Variants in HERC6 observed in about 807,000 individuals in gnomAD.
HERC6 encodes probable E3 ubiquitin-protein ligase HERC6.
HERC6 carries 101 observed loss-of-function variants against 114.5 expected under a neutral mutation model. That is an observed-to-expected ratio of 0.88 (90% confidence interval 0.75 to 1.04). The LOEUF is 1.04. Among genes scored for constraint, HERC6 ranks in the 50% least tolerant of loss-of-function variants. The pLI, the probability that HERC6 is intolerant of heterozygous loss-of-function variation, is 0.00. For synonymous variants in HERC6, 408 were observed against 436.2 expected (o/e 0.94, Z 0.81); for missense variants, 1,133 against 1,230.9 (o/e 0.92, Z 1.19).
chr4:88,426,317 C>T (rs572720872), intron 15 of HERC6, among the ~76,000 whole-genome samples: 22 of 152,124 alleles, frequency 1.4e-4, no homozygotes, highest in South Asian at 1.2e-3. Context: ...TACAGGCATG[C>T]GCCACCATGC....
rs1210536531 is a variant in HERC6 at position 88,413,090 on chromosome 4, T to C, written c.1382T>C (p.Leu461Pro). Residue 461 changes from leucine (L) to proline (P), a missense_variant, in exon 12 of 23, where the codon CTC (leucine) becomes CCC (proline). Around this residue, in one of 3 missense-constraint regions of HERC6, gnomAD observed 735 missense variants for 754.0 expected, o/e 0.97. Transcript: ENST00000264346. Reference sequence around the variant, plus strand: ...TTTTTACCACAGATAACTACGTGTCTCGAGGATGATCTGCTCAGAGCTCTT... The same window carrying C: ...TTTTTACCACAGATAACTACGTGTCCCGAGGATGATCTGCTCAGAGCTCTT... ...EWISSMITTC[L>P]EDDLLRALPC... 1.3e-5 allele frequency: 21 copies of C among 1,608,206 alleles called. No homozygotes were observed. The highest frequency in any genetic ancestry group is 1.8e-5 in the Non-Finnish European group (21 of 1,177,920).
Position 88,429,334 on chromosome 4 carries a change from G to A in HERC6, c.2106+584G>A, listed in dbSNP as rs930446064. The stretch of plus-strand genomic sequence containing the variant: ...AATATACACAGCCTCTTCAGTGGGA[G>A]GAACTGCAAAGTCATATGCAAAAGA... On this transcript the variant is annotated intron_variant, in intron 16 of 22. Transcript: ENST00000264346. Among the ~76,000 whole-genome samples the A allele has an allele frequency of 3.9e-5, 6 of 152,198 alleles. No homozygotes were observed. In the South Asian group the frequency reaches 1.2e-3, roughly 31 times the overall value.
At chr4:88,404,140 T>C (rs1430476309) in intron 8 of HERC6, among the ~76,000 whole-genome samples, 1 of 152,196 alleles carries the variant, frequency 6.6e-6, no homozygotes, top group African/African-American at 2.4e-5. Context: ...GCTTATTTCA[T>C]TCGCTTGTCT....
intron 11 of HERC6, among the ~76,000 whole-genome samples, chr4:88,412,263 A>G (rs1053806923): frequency 2.6e-5 from 4 of 152,194 alleles, no homozygotes; most frequent in African/African-American, 9.6e-5. Flanking sequence ...AAAGAATACC[A>G]TACAAGTTTA....
chr4:88,437,626 A>T (rs952743818), intron 19 of HERC6, 85 bp from the exon 20 acceptor site: 30 of 829,446 alleles, frequency 3.6e-5, no homozygotes, highest in Non-Finnish European at 4.7e-5. Context: ...CATAGGGGAA[A>T]ATGTATTGGC....
rs754009434 is a variant in HERC6, at chr4:88,440,077, C to T, written c.2739+20C>T. The T allele has an allele frequency of 1.0e-5, 16 of 1,606,168 alleles. No homozygotes were observed. The highest frequency in any genetic ancestry group is 1.4e-5 in the Non-Finnish European group (16 of 1,176,582). On this transcript the variant is annotated intron_variant, in intron 21 of 22. Transcript: ENST00000264346. ...GAACAGGTAGGTGATACCTAAAGTG[C>T]CCCAATTTTTCCGAACAACTTCTAT...
chr4:88,394,909 T>C (rs1414417363), intron 5 of HERC6, among the ~76,000 whole-genome samples: 1 of 152,198 alleles, frequency 6.6e-6, no homozygotes, highest in Admixed American at 6.5e-5. Flanking sequence ...AGCAACAAAG[T>C]AATTTTTACA....
At position 88,402,599 on chromosome 4, in the gene HERC6, G is replaced by C. The variant is rs114825987; in HGVS notation, c.1093-2277G>C. Reference sequence around the variant, plus strand: ...GGTGGGAGATAGATCAGGTTCATCAGTTCTGAAGTAACCAAGAGTGAGGGC... The same window carrying C: ...GGTGGGAGATAGATCAGGTTCATCACTTCTGAAGTAACCAAGAGTGAGGGC... On this transcript the variant is annotated intron_variant, in intron 8 of 22. Transcript: ENST00000264346. 3.8e-3 allele frequency among the ~76,000 whole-genome samples: 583 copies of C among 152,296 alleles called. 3 individuals carry two copies. The highest frequency in any genetic ancestry group is 0.014 in the African/African-American group (564 of 41,570).
Position 88,423,982 on chromosome 4 carries a change from A to T in HERC6, c.1827+9A>T. 1 of 1,252,718 alleles carries T rather than the reference A, an allele frequency of 8.0e-7. No homozygotes were observed. The highest frequency in any genetic ancestry group is 1.1e-6 in the Non-Finnish European group (1 of 885,770). 77.6% of individuals were successfully genotyped at this position (1,252,718 alleles called of 1,614,324 possible). On this transcript the variant is annotated intron_variant, in intron 14 of 22. Coordinates refer to ENST00000264346, the MANE Select transcript of HERC6 (RefSeq NM_017912.4). ...TTCGGGATAACCACCTGGTAAGAAT[A>T]ACATTTTTACTTCTGAAAATGTTCA...
intron 3 of HERC6, among the ~76,000 whole-genome samples, chr4:88,387,208 C>T (rs1422756584): frequency 7.2e-5 from 11 of 152,028 alleles, no homozygotes; most frequent in Non-Finnish European, 1.5e-4. Context: ...ACCAGCCTGG[C>T]CAACATAGTG....
intron 11 of HERC6, among the ~76,000 whole-genome samples, chr4:88,410,233 A>C (rs1230302873): frequency 1.3e-5 from 2 of 152,206 alleles, no homozygotes; most frequent in Admixed American, 1.3e-4. Context: ...CACATATATA[A>C]GATGAACACT....
At chr4:88,432,647 T>A (rs1051874443) in intron 17 of HERC6, among the ~76,000 whole-genome samples, 2 of 151,642 alleles carry the variant, frequency 1.3e-5, no homozygotes. Context: ...GAGAATCACT[T>A]GAACCTAAGA....
At chr4:88,392,288 G>A (rs896775620) in intron 4 of HERC6, among the ~76,000 whole-genome samples, 3 of 150,328 alleles carry the variant, frequency 2.0e-5, no homozygotes, top group African/African-American at 7.4e-5. Flanking sequence ...TGGGCTCACA[G>A]GCACACACCA....
rs1327678872 is a variant in HERC6, at chr4:88,380,372, A to T, written c.199+1252A>T. On this transcript the variant is annotated intron_variant, in intron 1 of 22. Coordinates refer to ENST00000264346, the MANE Select transcript of HERC6 (RefSeq NM_017912.4). ...AATATAAATATATATATAATATATA[A>T]ATATATATATATAATATATAAATAT... 3.1e-4 allele frequency among the ~76,000 whole-genome samples: 5 copies of T among 16,354 alleles called. 1 individual carries two copies. Among genetic ancestry groups the T allele is most frequent in the African/African-American group, 2.4e-3 (4 of 1,654 alleles). The allele number at this position is 16,354 out of a possible 152,430, so 10.7% of individuals were successfully genotyped here.
intron 13 of HERC6, among the ~76,000 whole-genome samples, chr4:88,422,927 T>C (rs144020909): frequency 6.6e-6 from 1 of 152,264 alleles, no homozygotes; most frequent in East Asian, 1.9e-4. Flanking sequence ...TGAGATTTTC[T>C]ATTTTTTTCT....
Position 88,396,133 on chromosome 4 carries a change from A to T in HERC6, c.878A>T (p.Asp293Val), listed in dbSNP as rs1193302017. The change falls in exon 6 of 23, where the codon GAT (aspartate) becomes GTT (valine). Residue 293 changes from aspartate (D) to valine (V), a missense_variant. This residue lies in a region of HERC6 where 735 missense variants were observed against 754.0 expected (regional missense o/e 0.97). Coordinates refer to ENST00000264346, the MANE Select transcript of HERC6 (RefSeq NM_017912.4). ...ATTGATGGCCTAGTTTCGCAGATAG[A>T]TTGTGGAAGGTAATAGGCTTCTTCT... Reference protein sequence around the residue: ...ERIDGLVSQIDCGSYHTLAYV... With the variant: ...ERIDGLVSQIVCGSYHTLAYV... The T allele has an allele frequency of 6.3e-7, 1 of 1,597,596 alleles. No individual in the cohort carries two copies. The highest frequency in any genetic ancestry group is 1.8e-5 in the Admixed American group (1 of 57,140).
At chr4:88,411,175 A>G (rs528411298) in intron 11 of HERC6, among the ~76,000 whole-genome samples, 1 of 152,302 alleles carries the variant, frequency 6.6e-6, no homozygotes, top group East Asian at 1.9e-4. Context: ...ATTATGAAGT[A>G]TATTTCTTAA....
At chr4:88,402,782 ATT>A (rs1735611467) in intron 8 of HERC6, among the ~76,000 whole-genome samples, 1 of 152,180 alleles carries the variant, frequency 6.6e-6, no homozygotes, top group Non-Finnish European at 1.5e-5. Context: ...GGAGCTAGGG[ATT>A]TTGAAGCAGA....
At chr4:88,441,650 T>C (rs527462811) in intron 22 of HERC6, among the ~76,000 whole-genome samples, 5 of 152,324 alleles carry the variant, frequency 3.3e-5, no homozygotes, top group South Asian at 4.1e-4. Flanking sequence ...ATCTTTCTTC[T>C]TGATATTTTT....
Sources: gnomAD v4.1 joint callset for allele counts (sites outside exome capture counted in the v4.1 genomes callset) on GRCh38, gnomAD v4.1.1 for gene constraint, gnomAD v4.1.1 regional missense constraint, MANE v1.5 for transcripts, NCBI Gene and HGNC (gene_info 2026-07-23, HGNC 2026-07-21) for gene names.